Variants in SLC39A8 observed in about 807,000 individuals in gnomAD.
SLC39A8 encodes metal cation symporter ZIP8.
Under a neutral mutation model 40.4 loss-of-function variants are expected in SLC39A8, and 15 were observed. That is an observed-to-expected ratio of 0.37 (90% CI 0.25 to 0.57). The LOEUF (loss-of-function observed/expected upper bound fraction) is 0.57, where lower values mean the gene tolerates loss of function less well. SLC39A8 is among the 20% of genes least tolerant of loss of function. The pLI is 0.75. For synonymous variants in SLC39A8, 223 were observed against 221.6 expected (o/e 1.01, Z -0.06); for missense variants, 472 against 558.8 (o/e 0.84, Z 1.57).
At chr4:102,299,809 G>A (rs953086031) in intron 6 of SLC39A8, among the ~76,000 whole-genome samples, 2 of 151,958 alleles carry the variant, frequency 1.3e-5, no homozygotes, top group Admixed American at 1.3e-4. Context: ...CTGGAGGAAC[G>A]AGCTCCAGGG....
At chr4:102,258,118 T>G (rs7681171), downstream of SLC39A8, among the ~76,000 whole-genome samples, 15,702 of 151,312 alleles carry the variant, frequency 0.1, 941 homozygotes, top group South Asian at 0.2. Context: ...TTTGTTTTTT[T>G]TTTTGAGACG....
At chr4:102,274,366 A>G (rs1419211659) in intron 6 of SLC39A8, among the ~76,000 whole-genome samples, 2 of 152,218 alleles carry the variant, frequency 1.3e-5, no homozygotes, top group Non-Finnish European at 2.9e-5. Context: ...TTGAAGATCA[A>G]CTTAATAAAA....
intron 2 of SLC39A8, among the ~76,000 whole-genome samples, chr4:102,334,736 T>C (rs1735598532): frequency 6.6e-6 from 1 of 152,194 alleles, no homozygotes; most frequent in South Asian, 2.1e-4. Context: ...CTCTTCAGCA[T>C]GAGAGGCAAT....
At chr4:102,289,136 T>C (rs752178709) in intron 6 of SLC39A8, among the ~76,000 whole-genome samples, 46 of 152,150 alleles carry the variant, frequency 3.0e-4, no homozygotes, top group Non-Finnish European at 5.3e-4. Flanking sequence ...CCAATGATCA[T>C]TTACCATTCC....
intron 3 of SLC39A8, among the ~76,000 whole-genome samples, chr4:102,309,423 C>T (rs989732007): frequency 5.3e-5 from 8 of 152,034 alleles, no homozygotes; most frequent in African/African-American, 1.4e-4. Context: ...CTTCACCTAA[C>T]AGCCCACTTC....
At chr4:102,311,388 G>C (rs747756915) in intron 3 of SLC39A8, among the ~76,000 whole-genome samples, 1 of 151,998 alleles carries the variant, frequency 6.6e-6, no homozygotes, top group African/African-American at 2.4e-5. Flanking sequence ...TTAATTCACT[G>C]TTACTCAGTG....
intron 6 of SLC39A8, among the ~76,000 whole-genome samples, chr4:102,276,933 C>T (rs1732644094): frequency 6.6e-6 from 1 of 152,106 alleles, no homozygotes; most frequent in Non-Finnish European, 1.5e-5. Flanking sequence ...CAATAAAATT[C>T]AACACCCTTT....
intron 6 of SLC39A8, among the ~76,000 whole-genome samples, chr4:102,301,068 C>T (rs995069760): frequency 3.3e-5 from 5 of 152,036 alleles, no homozygotes; most frequent in African/African-American, 1.2e-4. Context: ...GCAGGGCTGT[C>T]ACCCTGGCAC....
chr4:102,288,645 C>A (rs1291316772), intron 6 of SLC39A8, among the ~76,000 whole-genome samples: 1 of 152,166 alleles, frequency 6.6e-6, no homozygotes. Flanking sequence ...AAAAGTGCTA[C>A]TCCAATGAAC....
intron 2 of SLC39A8, among the ~76,000 whole-genome samples, chr4:102,317,997 C>T (rs1734737781): frequency 6.6e-6 from 1 of 152,072 alleles, no homozygotes; most frequent in African/African-American, 2.4e-5. Flanking sequence ...GTAAGTGTTG[C>T]TTAACCAAAC....
At chr4:102,320,424 A>ATATATATAGGAGAG in intron 2 of SLC39A8, among the ~76,000 whole-genome samples, 1 of 66,110 alleles carries the variant, frequency 1.5e-5, no homozygotes, top group Non-Finnish European at 3.0e-5. Flanking sequence ...ATATATGAGA[A>ATATATATAGGAGAG]TATATATATA....
In SLC39A8 at chr4:102,308,920, A is replaced by G. The variant is rs187707342; in HGVS notation, c.383-1315T>C. The stretch of plus-strand genomic sequence containing the variant: ...GGGAAACCAAAGCAGATGGAATTCA[A>G]GTAACCTGCCAGAATCACGCAGATA... On this transcript the variant is annotated intron_variant, in intron 3 of 8. Transcript: ENST00000356736. 3.5e-3 allele frequency among the ~76,000 whole-genome samples: 533 copies of G among 152,220 alleles called. 2 individuals carry two copies. The highest frequency in any genetic ancestry group is 0.024 in the Middle Eastern group (7 of 294).
At chr4:102,288,379 C>G (rs1240040880) in intron 6 of SLC39A8, among the ~76,000 whole-genome samples, 1 of 152,066 alleles carries the variant, frequency 6.6e-6, no homozygotes, top group East Asian at 1.9e-4. Context: ...GCCATTCCCC[C>G]AATTTCCTCC....
chr4:102,276,169 A>C (rs1301942378), intron 6 of SLC39A8, among the ~76,000 whole-genome samples: 1 of 152,086 alleles, frequency 6.6e-6, no homozygotes, highest in African/African-American at 2.4e-5. Context: ...GACATGAAAA[A>C]CCCTTCAAAA....
intron 5 of SLC39A8, 45 bp from the exon 6 acceptor site, chr4:102,304,526 T>C: frequency 6.6e-7 from 1 of 1,510,694 alleles, no homozygotes. Flanking sequence ...AGAAAAAAGA[T>C]GATTCATACA....
chr4:102,263,009 A>G lies in SLC39A8; in HGVS notation c.*35T>C, dbSNP rs1731934726. On this transcript the variant is annotated 3_prime_UTR_variant, in exon 9 of 9. Coordinates refer to ENST00000356736, the MANE Select transcript of SLC39A8 (RefSeq NM_001135146.2). ...TTTTGGAGATGTTTTTATCTATTAAATGCCTTTATTAACAACACCATCTTC... is the reference window on the plus strand; with the variant it reads ...TTTTGGAGATGTTTTTATCTATTAAGTGCCTTTATTAACAACACCATCTTC... 3.8e-6 allele frequency: 6 copies of G among 1,571,554 alleles called. No individual in the cohort carries two copies. Among genetic ancestry groups the G allele is most frequent in the Non-Finnish European group, 5.2e-6 (6 of 1,157,352 alleles).
chr4:102,315,270 A>T (rs1734606050), intron 3 of SLC39A8, among the ~76,000 whole-genome samples: 1 of 152,120 alleles, frequency 6.6e-6, no homozygotes, highest in South Asian at 2.1e-4. Context: ...TAGTTCTCTT[A>T]TCTCTTCATT....
rs1003704080 is a variant in SLC39A8 at position 102,262,043 on chromosome 4, C to CT, written c.*1000dup. ...AGTATAGGCTGAACACAAAGGAAGT[C>CT]TTTTCTGAATGGCTCTCGATCACAC... On this transcript the variant is annotated 3_prime_UTR_variant, in exon 9 of 9. Coordinates refer to ENST00000356736, the MANE Select transcript of SLC39A8 (RefSeq NM_001135146.2). The CT allele has an allele frequency of 2.2e-4, 212 of 985,772 alleles. No homozygotes were observed. Among genetic ancestry groups the CT allele is most frequent in the Admixed American group, 8.6e-4 (14 of 16,260 alleles). 61.1% of individuals were successfully genotyped at this position (985,772 alleles called of 1,614,324 possible).
chr4:102,344,958 A>G, intron 1 of SLC39A8, 43 bp from the exon 2 acceptor site: 14 of 1,149,536 alleles, frequency 1.2e-5, no homozygotes, highest in Non-Finnish European at 1.5e-5. Flanking sequence ...AAAGGCCACC[A>G]GGGCACCAGC....
Sources: allele counts gnomAD v4.1 joint callset (sites outside exome capture counted in the v4.1 genomes callset), GRCh38; gene constraint gnomAD v4.1.1; transcripts MANE v1.5; gene names NCBI Gene and HGNC (gene_info 2026-07-23, HGNC 2026-07-21).